Variants in ABCA1 observed in about 807,000 individuals in gnomAD.
ABCA1 encodes phospholipid-transporting ATPase ABCA1.
A neutral mutation model predicts 262.5 loss-of-function variants in ABCA1; 133 were observed. That is an observed-to-expected ratio of 0.51 (90% CI 0.44 to 0.59). The LOEUF (loss-of-function observed/expected upper bound fraction) is 0.59, where lower values mean the gene tolerates loss of function less well. ABCA1 is among the 20% of genes least tolerant of loss of function. The pLI, the probability that ABCA1 is intolerant of heterozygous loss-of-function variation, is 0.00. For synonymous variants in ABCA1, 1,022 were observed against 1,043.5 expected, an observed-to-expected ratio of 0.98 and a Z score of 0.40; for missense variants, 2,452 against 2,777.5, an observed-to-expected ratio of 0.88 and a Z score of 2.63.
At chr9:104,836,265 C>G (rs977122074) in intron 11 of ABCA1, among the ~76,000 whole-genome samples, 1 of 152,318 alleles carries the variant, frequency 6.6e-6, no homozygotes, top group African/African-American at 2.4e-5. Flanking sequence ...AGGTTCAAAA[C>G]AAGAAACCTG....
At chr9:104,862,049 TACACACACAC>T (rs35010837) in intron 5 of ABCA1, among the ~76,000 whole-genome samples, 5 of 145,034 alleles carry the variant, frequency 3.4e-5, no homozygotes, top group Admixed American at 6.8e-5. Flanking sequence ...ATGGTGCTGT[TACACACACAC>T]ACACACACAC....
chr9:104,833,049 G>A (rs901186591), intron 11 of ABCA1, among the ~76,000 whole-genome samples: 1 of 152,120 alleles, frequency 6.6e-6, no homozygotes, highest in Non-Finnish European at 1.5e-5. Flanking sequence ...TCCACTATAC[G>A]AAACATCTCA....
intron 1 of ABCA1, among the ~76,000 whole-genome samples, chr9:104,919,740 T>G (rs558605603): frequency 6.6e-6 from 1 of 152,358 alleles, no homozygotes; most frequent in East Asian, 1.9e-4. Flanking sequence ...TTTACTCAAC[T>G]GAAACTTATT....
chr9:104,792,678 T>A, intron 42 of ABCA1, 108 bp downstream of exon 42: 4 of 1,421,380 alleles, frequency 2.8e-6, no homozygotes, highest in Non-Finnish European at 4.0e-6. Flanking sequence ...TAGATGTACA[T>A]TTTGGGAACA....
At chr9:104,852,835 C>T (rs939561964) in intron 7 of ABCA1, among the ~76,000 whole-genome samples, 1 of 152,100 alleles carries the variant, frequency 6.6e-6, no homozygotes, top group Non-Finnish European at 1.5e-5. Context: ...GACAGGAGAA[C>T]ACGAGCAAGT....
intron 2 of ABCA1, among the ~76,000 whole-genome samples, chr9:104,897,933 G>C (rs1840356891): frequency 1.3e-5 from 2 of 152,122 alleles, no homozygotes. Context: ...CTCTTCATCT[G>C]TGAAACAGAA....
intron 20 of ABCA1, among the ~76,000 whole-genome samples, 190 bp downstream of exon 20, chr9:104,821,185 G>C (rs1436681085): frequency 6.6e-6 from 1 of 152,206 alleles, no homozygotes; most frequent in Non-Finnish European, 1.5e-5. Flanking sequence ...CAAGGTTGCA[G>C]TGAGCCGAGA....
chr9:104,840,623 T>A (rs1001003779), intron 8 of ABCA1, 104 bp from the exon 9 acceptor site: 19 of 1,177,166 alleles, frequency 1.6e-5, no homozygotes, highest in African/African-American at 3.1e-5. Flanking sequence ...TTTCTTGACC[T>A]CTCAAAAGCC....
chr9:104,791,871 G>A, intron 43 of ABCA1, 65 bp downstream of exon 43: 1 of 1,518,674 alleles, frequency 6.6e-7, no homozygotes, highest in Non-Finnish European at 9.1e-7. Context: ...GAGCATCGTT[G>A]CTTGATTGGG....
chr9:104,921,516 A>C (rs1405760343), intron 1 of ABCA1, among the ~76,000 whole-genome samples: 1 of 152,246 alleles, frequency 6.6e-6, no homozygotes, highest in Non-Finnish European at 1.5e-5. Context: ...TCAGAAACGG[A>C]AATGAAACTG....
At chr9:104,916,497 G>T (rs1470414559) in intron 1 of ABCA1, among the ~76,000 whole-genome samples, 1 of 152,178 alleles carries the variant, frequency 6.6e-6, no homozygotes, top group African/African-American at 2.4e-5. Flanking sequence ...GACATCTACA[G>T]ACACAATTTC....
intron 48 of ABCA1, among the ~76,000 whole-genome samples, chr9:104,786,050 G>C (rs1160217304): frequency 6.6e-6 from 1 of 152,152 alleles, no homozygotes; most frequent in Non-Finnish European, 1.5e-5. Context: ...CACAAAGCTA[G>C]GAGGTAGATC....
intron 28 of ABCA1, among the ~76,000 whole-genome samples, chr9:104,811,163 G>C (rs1345734179): frequency 1.3e-5 from 2 of 152,226 alleles, no homozygotes; most frequent in African/African-American, 4.8e-5. Context: ...TGGCCACCTG[G>C]CAGAGGCACT....
At chr9:104,811,037 C>T (rs926212579) in intron 28 of ABCA1, 113 bp from the exon 29 acceptor site, 47 of 1,491,498 alleles carry the variant, frequency 3.2e-5, no homozygotes, top group Admixed American at 8.9e-5. Flanking sequence ...CCAACCAGCA[C>T]GGCAATGAGG....
At chr9:104,811,198 T>C (rs1458840432) in intron 28 of ABCA1, among the ~76,000 whole-genome samples, 1 of 152,224 alleles carries the variant, frequency 6.6e-6, no homozygotes, top group Non-Finnish European at 1.5e-5. Flanking sequence ...ACGAAGTAAA[T>C]AGTGCTCACA....
intron 5 of ABCA1, 113 bp from the exon 6 acceptor site, chr9:104,861,913 G>GC: frequency 1.0e-6 from 1 of 980,216 alleles, no homozygotes; most frequent in Non-Finnish European, 1.5e-6. Context: ...ATCAACAGTT[G>GC]CCTGGCTAAA....
intron 5 of ABCA1, among the ~76,000 whole-genome samples, chr9:104,864,358 C>G (rs1310448735): frequency 1.3e-5 from 2 of 152,002 alleles, no homozygotes; most frequent in Admixed American, 1.3e-4. Flanking sequence ...TTCCCAGGAA[C>G]AGAAAGCGAC....
In ABCA1 at chr9:104,781,103, C is replaced by A. The variant is rs1158165732; in HGVS notation, c.*3212G>T. On this transcript the variant is annotated 3_prime_UTR_variant, in exon 50 of 50. Coordinates refer to ENST00000374736, the MANE Select transcript of ABCA1 (RefSeq NM_005502.4). Reference sequence around the variant, plus strand: ...TACTTCATATAAAGTTATTGACATACAAAATTTTTTTTCTTTTTTCCTTTT... The same window carrying A: ...TACTTCATATAAAGTTATTGACATAAAAAATTTTTTTTCTTTTTTCCTTTT... 3 of 152,626 alleles carry A rather than the reference C, an allele frequency of 2.0e-5. No individual in the cohort carries two copies. Among genetic ancestry groups the A allele is most frequent in the South Asian group, 2.1e-4 (1 of 4,830 alleles). The allele number at this position is 152,626 out of a possible 1,614,324, so 9.5% of individuals were successfully genotyped here. A position where few individuals can be genotyped will look rare whatever the true frequency, so the allele number is the denominator to read the frequency against.
intron 1 of ABCA1, among the ~76,000 whole-genome samples, chr9:104,925,866 G>A (rs1358626530): frequency 6.6e-6 from 1 of 152,084 alleles, no homozygotes; most frequent in African/African-American, 2.4e-5. Context: ...CAACAGAAAC[G>A]GAAAGTTTCT....
Sources: gnomAD v4.1 joint callset for allele counts (sites outside exome capture counted in the v4.1 genomes callset) on GRCh38, gnomAD v4.1.1 for gene constraint, MANE v1.5 for transcripts, NCBI Gene and HGNC (gene_info 2026-07-23, HGNC 2026-07-21) for gene names.